Variants in GREB1L observed in about 807,000 individuals in gnomAD.
GREB1L encodes the protein GREB1-like protein.
Under a neutral mutation model 200.8 loss-of-function variants are expected in GREB1L, and 17 were observed. That is an observed-to-expected ratio of 0.08 (90% CI 0.06 to 0.13). GREB1L has a LOEUF of 0.13. Ranked by LOEUF, GREB1L falls within the 10% of genes least tolerant of loss-of-function variation. The pLI is 1.00. For missense variants in GREB1L, 1,657 were observed against 2,367.7 expected, an observed-to-expected ratio of 0.70 and a Z score of 6.23; for synonymous variants, 789 against 893.0, an observed-to-expected ratio of 0.88 and a Z score of 2.08.
rs753008745 is a variant in GREB1L, at chr18:21,490,107, G to A, written c.2786G>A (p.Arg929His). The stretch of plus-strand genomic sequence containing the variant: ...GCTCTCACCACCATGGCGTCACTCC[G>A]CGACCACAGCACACCAGAAACACTC... ...LMALTTMASLRDHSTPETLSI... is the reference protein window; with the variant it reads ...LMALTTMASLHDHSTPETLSI... Residue 929 changes from arginine to histidine, a missense_variant, in exon 19 of 33, where the codon CGC becomes CAC. This residue lies in a region of GREB1L where 82 missense variants were observed against 95.9 expected (regional missense o/e 0.85). Coordinates refer to ENST00000424526, the MANE Select transcript of GREB1L (RefSeq NM_001142966.3). 22 of 1,551,796 alleles carry A rather than the reference G, an allele frequency of 1.4e-5. No homozygotes were observed. Among genetic ancestry groups the A allele is most frequent in the East Asian group, 2.4e-5 (1 of 40,912 alleles).
intron 1 of GREB1L, among the ~76,000 whole-genome samples, chr18:21,365,599 G>T (rs1466328998): frequency 6.6e-6 from 1 of 152,064 alleles, no homozygotes; most frequent in African/African-American, 2.4e-5. Flanking sequence ...AGTTCTTTGA[G>T]TAGATAAATT....
chr18:21,500,177 G>C lies in GREB1L; in HGVS notation c.3840G>C (p.Glu1280Asp), dbSNP rs1229709026. The C allele has an allele frequency of 1.9e-6, 3 of 1,550,724 alleles. No individual in the cohort carries two copies. Among genetic ancestry groups the C allele is most frequent in the East Asian group, 4.9e-5 (2 of 40,918 alleles). Residue 1280 changes from glutamate to aspartate, a missense_variant, in exon 22 of 33, where the codon GAG becomes GAC. By Grantham distance (45) the Glu-to-Asp change is conservative (BLOSUM62 2). Around this residue, in one of 9 missense-constraint regions of GREB1L, gnomAD observed 512 missense variants for 668.3 expected, o/e 0.77. Transcript: ENST00000424526. ...PLLNKDMSSE[E>D]QSLYYRQWTL... ...TGAACAAGGACATGAGCAGTGAGGA[G>C]CAGTCCCTCTACTACAGGCAGTGGA...
chr18:21,522,258 G>A (rs866103063), intron 32 of GREB1L, among the ~76,000 whole-genome samples: 3 of 152,026 alleles, frequency 2.0e-5, no homozygotes, highest in Middle Eastern at 6.8e-3. Context: ...GGATCACGAG[G>A]TCAGGAGATC....
chr18:21,438,711 C>T (rs1324615583), intron 7 of GREB1L, among the ~76,000 whole-genome samples: 1 of 151,054 alleles, frequency 6.6e-6, no homozygotes, highest in Non-Finnish European at 1.5e-5. Flanking sequence ...GTAATCGCAG[C>T]ACTTTGGGAG....
intron 1 of GREB1L, among the ~76,000 whole-genome samples, chr18:21,304,121 G>A (rs1332596959): frequency 6.6e-6 from 1 of 152,152 alleles, no homozygotes; most frequent in Non-Finnish European, 1.5e-5. Context: ...TCATCTGGGT[G>A]TGACCTATGT....
intron 1 of GREB1L, among the ~76,000 whole-genome samples, chr18:21,281,428 T>C (rs760225251): frequency 6.6e-5 from 10 of 152,218 alleles, no homozygotes; most frequent in Non-Finnish European, 1.2e-4. Flanking sequence ...CTCTTTACTA[T>C]ACTTTTAGTT....
intron 14 of GREB1L, among the ~76,000 whole-genome samples, chr18:21,453,959 G>A (rs796528625): frequency 3.3e-5 from 5 of 152,226 alleles, no homozygotes; most frequent in African/African-American, 9.6e-5. Flanking sequence ...CCTTGAACTG[G>A]GTCGGGGCTG....
At chr18:21,516,514 A>G in intron 29 of GREB1L, 99 bp from the exon 30 acceptor site, 2 of 1,160,854 alleles carry the variant, frequency 1.7e-6, no homozygotes, top group South Asian at 1.7e-5. Flanking sequence ...TGATTATTTT[A>G]GGCTCCTAAT....
At chr18:21,260,578 A>G (rs2037873648) in intron 1 of GREB1L, among the ~76,000 whole-genome samples, 1 of 151,984 alleles carries the variant, frequency 6.6e-6, no homozygotes, top group South Asian at 2.1e-4. Flanking sequence ...ATTTGTTCCG[A>G]GTTGACTTTT....
intron 1 of GREB1L, among the ~76,000 whole-genome samples, chr18:21,337,966 G>C (rs569743075): frequency 4.5e-4 from 68 of 151,902 alleles, no homozygotes; most frequent in Non-Finnish European, 9.1e-4. Context: ...CAGCCTAGGC[G>C]ACAGAGCAAG....
chr18:21,336,614 T>A (rs1355626708), intron 1 of GREB1L, among the ~76,000 whole-genome samples: 1 of 152,178 alleles, frequency 6.6e-6, no homozygotes, highest in Admixed American at 6.6e-5. Context: ...TTCTGCTGGG[T>A]CCCCCTTATA....
In GREB1L at chr18:21,516,223, C is replaced by T. The variant is rs78169155; in HGVS notation, c.5130-390C>T. On this transcript the variant is annotated intron_variant, in intron 29 of 32. Transcript: ENST00000424526. ...CCATAAAGTCCTTATGCCAAACTTA[C>T]GGTTATAGAATAGCTGCTGCTTTCA... is the stretch of plus-strand genomic sequence containing the variant. 2.2e-3 allele frequency among the ~76,000 whole-genome samples: 340 copies of T among 152,244 alleles called. 1 individual carries two copies. The highest frequency in any genetic ancestry group is 8.0e-3 in the African/African-American group (334 of 41,524).
At chr18:21,294,140 C>T (rs973646554) in intron 1 of GREB1L, among the ~76,000 whole-genome samples, 2 of 152,166 alleles carry the variant, frequency 1.3e-5, no homozygotes, top group African/African-American at 4.8e-5. Flanking sequence ...GTCACAGCCA[C>T]ATGTGGCTTT....
At chr18:21,327,226 A>C (rs114850102) in intron 1 of GREB1L, among the ~76,000 whole-genome samples, 19 of 152,328 alleles carry the variant, frequency 1.2e-4, no homozygotes, top group African/African-American at 4.6e-4. Context: ...CAGGCATGTC[A>C]TGATGCAAAT....
At chr18:21,289,348 G>T (rs1484989377) in intron 1 of GREB1L, among the ~76,000 whole-genome samples, 1 of 152,098 alleles carries the variant, frequency 6.6e-6, no homozygotes, top group African/African-American at 2.4e-5. Context: ...CCGGGAGTTT[G>T]AGACCAGCCT....
Position 21,428,653 on chromosome 18 carries a change from G to A in GREB1L, c.833-10868G>A, listed in dbSNP as rs538074226. The stretch of plus-strand genomic sequence containing the variant: ...ATAGTCCCTTTTTTTTTTTTGAGAC[G>A]GAGTGTCGCTGTTGTCGGCCCGGGC... On this transcript the variant is annotated intron_variant, in intron 7 of 32. Transcript: ENST00000424526. Among the ~76,000 whole-genome samples, 8 of 145,246 alleles carry A rather than the reference G, an allele frequency of 5.5e-5. No homozygotes were observed. The East Asian group carries it at 8.1e-4, about 15-fold the overall frequency.
chr18:21,385,371 C>CTTT (rs60302271), intron 4 of GREB1L, among the ~76,000 whole-genome samples: 1 of 140,494 alleles, frequency 7.1e-6, no homozygotes, highest in Non-Finnish European at 1.6e-5. Context: ...TTTCTCTTGA[C>CTTT]TTTTTTTTTT....
chr18:21,482,184 A>G (rs2035946603), intron 17 of GREB1L, among the ~76,000 whole-genome samples: 2 of 152,236 alleles, frequency 1.3e-5, no homozygotes, highest in South Asian at 4.1e-4. Flanking sequence ...TTGTTTATTC[A>G]GGGAGAGAGA....
At chr18:21,404,625 C>T (rs1033611972) in intron 7 of GREB1L, among the ~76,000 whole-genome samples, 4 of 152,188 alleles carry the variant, frequency 2.6e-5, no homozygotes, top group Non-Finnish European at 4.4e-5. Flanking sequence ...TATAGAGCAC[C>T]AGCCCAGGCC....
Sources: gnomAD v4.1 joint callset for allele counts (sites outside exome capture counted in the v4.1 genomes callset) on GRCh38, gnomAD v4.1.1 for gene constraint, gnomAD v4.1.1 regional missense constraint, MANE v1.5 for transcripts, NCBI Gene and HGNC (gene_info 2026-07-23, HGNC 2026-07-21) for gene names.